Variants in RERE observed in about 807,000 individuals in gnomAD.
The protein encoded by RERE is arginine-glutamic acid dipeptide repeats protein.
A neutral mutation model predicts 146.1 loss-of-function variants in RERE; 40 were observed. The ratio of observed to expected loss-of-function variants is 0.27; its 90% CI spans 0.21 to 0.36. The LOEUF is 0.36. Ranked by LOEUF, RERE falls within the 10% of genes least tolerant of loss-of-function variation. The probability of loss-of-function intolerance (pLI) is 1.00; values close to 1 mark genes in which losing one functional copy is unlikely to be tolerated. For synonymous variants in RERE, 1,003 were observed against 866.0 expected (o/e 1.16, Z -2.78); for missense variants, 1,933 against 2,138.7 (o/e 0.90, Z 1.90).
chr1:8,699,115 C>T, intron 1 of RERE, among the ~76,000 whole-genome samples: 1 of 152,152 alleles, frequency 6.6e-6, no homozygotes, highest in Non-Finnish European at 1.5e-5. Flanking sequence ...TTTTTTGTAT[C>T]TTCAGCAACT....
chr1:8,667,434 G>A (rs1178986252), intron 1 of RERE, among the ~76,000 whole-genome samples: 3 of 152,146 alleles, frequency 2.0e-5, no homozygotes, highest in African/African-American at 7.2e-5. Flanking sequence ...CAGCATGTTC[G>A]GGGGGCCGAG....
At chr1:8,478,135 G>A (rs1485109123) in intron 10 of RERE, among the ~76,000 whole-genome samples, 2 of 152,158 alleles carry the variant, frequency 1.3e-5, no homozygotes, top group Non-Finnish European at 2.9e-5. Flanking sequence ...AAATCAGAAA[G>A]ACTGTATGAT....
intron 1 of RERE, among the ~76,000 whole-genome samples, chr1:8,777,249 TAAG>T (rs1641081313): frequency 1.3e-5 from 2 of 152,078 alleles, no homozygotes; most frequent in South Asian, 4.1e-4. Context: ...TTGTCTTATC[TAAG>T]AAGTCCAGAT....
At chr1:8,427,638 A>T (rs1445996982) in intron 11 of RERE, among the ~76,000 whole-genome samples, 1 of 18,462 alleles carries the variant, frequency 5.4e-5, no homozygotes. Context: ...GCCCCACTTT[A>T]AAAAAAAAAA....
chr1:8,578,315 C>A (rs922648946), intron 4 of RERE, among the ~76,000 whole-genome samples: 9 of 152,096 alleles, frequency 5.9e-5, no homozygotes, highest in African/African-American at 2.2e-4. Context: ...TTACACAAAG[C>A]CTATTAGCAT....
chr1:8,705,832 A>C (rs879220514), intron 1 of RERE, among the ~76,000 whole-genome samples: 1 of 152,180 alleles, frequency 6.6e-6, no homozygotes, highest in East Asian at 1.9e-4. Context: ...AATATCTTCT[A>C]TTGGCCGGAT....
At chr1:8,750,538 T>G in intron 1 of RERE, 4 of 1,022,120 alleles carry the variant, frequency 3.9e-6, no homozygotes, top group Non-Finnish European at 6.1e-6. Flanking sequence ...GAAAGAAGTC[T>G]GCCCAAAACA....
intron 12 of RERE, among the ~76,000 whole-genome samples, chr1:8,400,714 A>G (rs941271490): frequency 1.3e-5 from 2 of 151,260 alleles, no homozygotes; most frequent in African/African-American, 4.9e-5. Flanking sequence ...ATTAAATATG[A>G]TGCATAGGGG....
At chr1:8,505,293 T>C (rs1171776800) in intron 8 of RERE, among the ~76,000 whole-genome samples, 1 of 152,178 alleles carries the variant, frequency 6.6e-6, no homozygotes, top group Non-Finnish European at 1.5e-5. Context: ...ATTAAGAAAT[T>C]GGTAATTTTT....
intron 4 of RERE, among the ~76,000 whole-genome samples, chr1:8,558,671 G>A (rs1391430071): frequency 6.6e-6 from 1 of 151,786 alleles, no homozygotes; most frequent in East Asian, 1.9e-4. Context: ...AAAACACCAG[G>A]AAGGTTCCAA....
chr1:8,395,197 C>T (rs575765839), intron 12 of RERE, among the ~76,000 whole-genome samples: 1 of 152,174 alleles, frequency 6.6e-6, no homozygotes, highest in African/African-American at 2.4e-5. Context: ...ATTTCCGGGT[C>T]GGGTGCAGTG....
chr1:8,625,568 A>G (rs1646964805), intron 2 of RERE, among the ~76,000 whole-genome samples: 1 of 152,172 alleles, frequency 6.6e-6, no homozygotes, highest in Non-Finnish European at 1.5e-5. Flanking sequence ...GGCCTCCCAA[A>G]GTGCTGTGAT....
At chr1:8,449,098 C>T (rs748426573) in intron 11 of RERE, among the ~76,000 whole-genome samples, 3 of 152,272 alleles carry the variant, frequency 2.0e-5, no homozygotes, top group Middle Eastern at 3.4e-3. Flanking sequence ...GAATCCAGGC[C>T]GGCTGGAATT....
intron 12 of RERE, among the ~76,000 whole-genome samples, chr1:8,391,158 C>T (rs1384550824): frequency 1.3e-5 from 2 of 152,188 alleles, no homozygotes; most frequent in Non-Finnish European, 2.9e-5. Context: ...TCCTTATCAA[C>T]TTGTCACATT....
In RERE at chr1:8,670,239, A is replaced by G. The variant is rs751804226; in HGVS notation, c.-144-13798T>C. On this transcript the variant is annotated intron_variant, in intron 1 of 22. Coordinates refer to ENST00000400908, the MANE Select transcript of RERE (RefSeq NM_001042681.2). ...CTCAATTAAGATGCCAGCAACTAGT[A>G]ACTAACCAGGGAGGGCAGGAGAAGT... 5.3e-4 allele frequency among the ~76,000 whole-genome samples: 81 copies of G among 152,372 alleles called. 1 individual carries two copies. The highest frequency in any genetic ancestry group is 4.0e-4 in the Non-Finnish European group (27 of 68,032).
intron 1 of RERE, among the ~76,000 whole-genome samples, chr1:8,789,282 C>CAA (rs58993452): frequency 1.3e-4 from 5 of 38,496 alleles, no homozygotes; most frequent in African/African-American, 7.4e-4. Context: ...TCCTCTCTAC[C>CAA]AAAAAAAAAA....
intron 11 of RERE, among the ~76,000 whole-genome samples, chr1:8,461,132 G>T (rs1414025250): frequency 2.0e-5 from 3 of 152,014 alleles, no homozygotes; most frequent in African/African-American, 7.2e-5. Context: ...GTGCAGTTCA[G>T]CCTGGGGCCT....
intron 1 of RERE, among the ~76,000 whole-genome samples, chr1:8,727,142 T>A (rs1189325355): frequency 1.3e-5 from 2 of 150,558 alleles, no homozygotes; most frequent in African/African-American, 4.9e-5. Context: ...GTCTTTTTTT[T>A]GGAGGGCGCG....
chr1:8,458,603 A>G (rs959392903), intron 11 of RERE, among the ~76,000 whole-genome samples: 2 of 152,232 alleles, frequency 1.3e-5, no homozygotes, highest in African/African-American at 2.4e-5. Context: ...ATACACACAC[A>G]CGGCCCTAAA....
Sources: allele counts gnomAD v4.1 joint callset (sites outside exome capture counted in the v4.1 genomes callset), GRCh38; gene constraint gnomAD v4.1.1; transcripts MANE v1.5; gene names NCBI Gene and HGNC (gene_info 2026-07-23, HGNC 2026-07-21).